Variants in BRD10 observed in about 807,000 individuals in gnomAD.
The protein encoded by BRD10 is bromodomain containing 10.
chr9:6,005,386 C>T, the BRD10 span, among the ~76,000 whole-genome samples: 23 of 152,158 alleles, frequency 1.5e-4, no homozygotes, highest in Non-Finnish European at 3.4e-4. Flanking sequence ...TGACAACTAA[C>T]CCCAGCTACT....
chr9:5,897,554 C>T, the BRD10 span: 3 of 1,613,818 alleles, frequency 1.9e-6, no homozygotes, highest in Non-Finnish European at 2.5e-6. Context: ...TCTCTTGGGC[C>T]AGGGCCGCTG....
chr9:5,998,505 C>T, the BRD10 span, among the ~76,000 whole-genome samples: 13 of 152,156 alleles, frequency 8.5e-5, no homozygotes, highest in South Asian at 2.7e-3. Context: ...CTTTTCTCTC[C>T]AGTCTGTCTC....
chr9:5,988,439 G>A, the BRD10 span: 3 of 1,613,556 alleles, frequency 1.9e-6, no homozygotes, highest in South Asian at 1.1e-5. Context: ...GCCAAACTTC[G>A]CGGTGTTGAC....
the BRD10 span, among the ~76,000 whole-genome samples, chr9:5,960,946 C>A: frequency 4.6e-5 from 7 of 152,072 alleles, no homozygotes; most frequent in Non-Finnish European, 8.8e-5. Flanking sequence ...GGAAAAAAAG[C>A]AGATTGTTAA....
the BRD10 span, among the ~76,000 whole-genome samples, chr9:5,896,743 G>C: frequency 3.3e-5 from 5 of 152,190 alleles, no homozygotes; most frequent in African/African-American, 1.2e-4. Flanking sequence ...GGTCTTTGTG[G>C]TAACTTTGTG....
the BRD10 span, among the ~76,000 whole-genome samples, chr9:5,918,642 C>CTTTTT: frequency 1.5e-5 from 2 of 134,028 alleles, no homozygotes; most frequent in Non-Finnish European, 1.6e-5. Context: ...CCGTTAGTGG[C>CTTTTT]TTTTTTTTTT....
chr9:5,990,577 G>C, the BRD10 span, among the ~76,000 whole-genome samples: 1 of 152,062 alleles, frequency 6.6e-6, no homozygotes, highest in African/African-American at 2.4e-5. Context: ...TATTTTCTCA[G>C]AACAAAGACC....
chr9:5,921,962 A>C, the BRD10 span: 6 of 1,613,974 alleles, frequency 3.7e-6, no homozygotes, highest in Middle Eastern at 1.6e-4. Context: ...AAAAGGTGAA[A>C]GACTAGATGT....
At chr9:5,916,722 G>C in the BRD10 span, among the ~76,000 whole-genome samples, 4 of 152,060 alleles carry the variant, frequency 2.6e-5, no homozygotes, top group Admixed American at 2.6e-4. Flanking sequence ...AGTATTTTAG[G>C]TGATACAGAA....
chr9:5,881,344 T>C, the BRD10 span, among the ~76,000 whole-genome samples: 186 of 152,296 alleles, frequency 1.2e-3, 1 homozygote, highest in African/African-American at 4.4e-3. Context: ...GACCAGGTCT[T>C]GTGGGATTGT....
the BRD10 span, among the ~76,000 whole-genome samples, chr9:5,996,316 T>TG: frequency 1.3e-5 from 2 of 150,386 alleles, no homozygotes; most frequent in Admixed American, 6.6e-5. Context: ...GGTTTTTTTT[T>TG]TTGTTGTTGT....
chr9:5,920,649 G>C, the BRD10 span: 1 of 1,613,976 alleles, frequency 6.2e-7, no homozygotes. Context: ...AGTGAAGTCC[G>C]AGATTGTCTT....
the BRD10 span, among the ~76,000 whole-genome samples, chr9:5,985,074 A>T: frequency 6.6e-6 from 1 of 152,220 alleles, no homozygotes; most frequent in African/African-American, 2.4e-5. Flanking sequence ...TAGCTAAATG[A>T]AACAGAACAC....
chr9:5,915,254 C>G, the BRD10 span, among the ~76,000 whole-genome samples: 2 of 152,046 alleles, frequency 1.3e-5, no homozygotes, highest in African/African-American at 4.8e-5. Context: ...CTTCACACCA[C>G]TTTTCTGGCC....
At chr9:5,988,764 A>C in the BRD10 span, among the ~76,000 whole-genome samples, 3 of 152,190 alleles carry the variant, frequency 2.0e-5, no homozygotes, top group Admixed American at 1.3e-4. Context: ...TAAAAAAAAA[A>C]ATCTGAGACT....
the BRD10 span, among the ~76,000 whole-genome samples, chr9:5,913,690 C>T: frequency 6.6e-6 from 1 of 152,112 alleles, no homozygotes; most frequent in East Asian, 1.9e-4. Context: ...TGAAATCAGA[C>T]AAACACAAAT....
chr9:5,907,577 T>C, the BRD10 span, among the ~76,000 whole-genome samples: 446 of 152,364 alleles, frequency 2.9e-3, 2 homozygotes, highest in African/African-American at 0.01. Flanking sequence ...GAAATAAATA[T>C]TCTGAAAATA....
At chr9:5,923,501 T>C in the BRD10 span, among the ~76,000 whole-genome samples, 1 of 152,194 alleles carries the variant, frequency 6.6e-6, no homozygotes, top group African/African-American at 2.4e-5. Context: ...AATCTAGATA[T>C]CATAACCATG....
At chr9:5,965,267 A>C in the BRD10 span, among the ~76,000 whole-genome samples, 135 of 152,198 alleles carry the variant, frequency 8.9e-4, no homozygotes, top group Middle Eastern at 3.4e-3. Context: ...TACAGAATAC[A>C]CAGGTTATCG....
Sources: allele counts gnomAD v4.1 joint callset (sites outside exome capture counted in the v4.1 genomes callset), GRCh38; gene constraint gnomAD v4.1.1; transcripts MANE v1.5; gene names NCBI Gene and HGNC (gene_info 2026-07-23, HGNC 2026-07-21).